Variants in EPHA4 observed in about 807,000 individuals in gnomAD.
EPHA4 encodes ephrin type-A receptor 4.
A neutral mutation model predicts 108.3 loss-of-function variants in EPHA4; 19 were observed. That is an observed-to-expected ratio of 0.18 (90% CI 0.12 to 0.26). The LOEUF is 0.26. Among genes scored for constraint, EPHA4 ranks in the 10% least tolerant of loss-of-function variants. The pLI, the probability that EPHA4 is intolerant of heterozygous loss-of-function variation, is 1.00. For synonymous variants in EPHA4, 449 were observed against 455.5 expected (o/e 0.99, Z 0.18); for missense variants, 917 against 1,254.0 (o/e 0.73, Z 4.06).
chr2:221,507,327 T>C (rs1369806641), intron 3 of EPHA4, among the ~76,000 whole-genome samples: 1 of 152,244 alleles, frequency 6.6e-6, no homozygotes, highest in Non-Finnish European at 1.5e-5. Flanking sequence ...TTTTACTCAG[T>C]ATCATTATAA....
chr2:221,544,482 G>A (rs1574649220), intron 3 of EPHA4, among the ~76,000 whole-genome samples: 1 of 152,040 alleles, frequency 6.6e-6, no homozygotes, highest in African/African-American at 2.4e-5. Context: ...TGCACCACCA[G>A]GCCCTACTAA....
intron 5 of EPHA4, among the ~76,000 whole-genome samples, chr2:221,474,111 C>T (rs980408582): frequency 1.3e-5 from 2 of 152,130 alleles, no homozygotes; most frequent in Non-Finnish European, 2.9e-5. Context: ...ATAATTACCA[C>T]TACGTTCTAT....
In EPHA4 at chr2:221,482,780, A is replaced by G. The variant is rs962338857; in HGVS notation, c.980-90T>C. 1.0e-5 allele frequency: 13 copies of G among 1,242,164 alleles called. No individual in the cohort carries two copies. In the East Asian group the frequency reaches 2.4e-4, roughly 23 times the overall value. The allele number at this position is 1,242,164 out of a possible 1,614,324, so 76.9% of individuals were successfully genotyped here. Reference sequence around the variant, plus strand: ...TTGTATTATTTTCTGCAGCTCTCCAAAGCAAGGCAAACCCACTTGGCAAAG... The same window carrying G: ...TTGTATTATTTTCTGCAGCTCTCCAGAGCAAGGCAAACCCACTTGGCAAAG... On this transcript the variant is annotated intron_variant, in intron 4 of 17. Transcript: ENST00000281821.
intron 14 of EPHA4, among the ~76,000 whole-genome samples, chr2:221,432,567 C>G (rs992831687): frequency 6.6e-6 from 1 of 152,200 alleles, no homozygotes. Flanking sequence ...CACTACCATT[C>G]CCCTTAATCT....
At chr2:221,546,518 T>C (rs73089654) in intron 3 of EPHA4, among the ~76,000 whole-genome samples, 4,222 of 152,120 alleles carry the variant, frequency 0.028, 139 homozygotes, top group East Asian at 0.089. Context: ...TTATTATATA[T>C]TTTATTAATT....
chr2:221,479,772 C>T (rs930235075), intron 5 of EPHA4, among the ~76,000 whole-genome samples: 2 of 152,196 alleles, frequency 1.3e-5, no homozygotes, highest in Non-Finnish European at 2.9e-5. Context: ...CAGTGCTCTG[C>T]ACATATACAA....
rs199905171 is a variant in EPHA4 at position 221,566,839 on chromosome 2, A to G, written c.159+1879T>C. On this transcript the variant is annotated intron_variant, in intron 2 of 17. Coordinates refer to ENST00000281821, the MANE Select transcript of EPHA4 (RefSeq NM_004438.5). ...GAAGGAGAAGAAGGAGAAGGAGAAG[A>G]AGGAGAAGGAGAAGGAGAAGAAGAA... Among the ~76,000 whole-genome samples the G allele has an allele frequency of 1.8e-3, 79 of 43,604 alleles. 1 individual carries two copies. Among genetic ancestry groups the G allele is most frequent in the African/African-American group, 0.013 (70 of 5,212 alleles). 28.6% of individuals were successfully genotyped at this position (43,604 alleles called of 152,430 possible).
chr2:221,454,254 C>A (rs1373449928), intron 8 of EPHA4, among the ~76,000 whole-genome samples: 1 of 151,754 alleles, frequency 6.6e-6, no homozygotes, highest in Non-Finnish European at 1.5e-5. Context: ...TATATGGTCA[C>A]CACTCTAATT....
chr2:221,466,867 C>T lies in EPHA4; in HGVS notation c.1319-8877G>A, dbSNP rs1023996275. ...TTCTCAACCACTGATCTACAGAAAG[C>T]GGCTGATCTCTGCCCCTCCTTTCCA... On this transcript the variant is annotated intron_variant, in intron 5 of 17. Coordinates refer to ENST00000281821, the MANE Select transcript of EPHA4 (RefSeq NM_004438.5). Among the ~76,000 whole-genome samples the T allele has an allele frequency of 5.9e-5, 9 of 151,674 alleles. No homozygotes were observed. The South Asian group carries it at 6.2e-4, about 10-fold the overall frequency.
At chr2:221,527,564 C>A (rs1693376881) in intron 3 of EPHA4, among the ~76,000 whole-genome samples, 1 of 152,128 alleles carries the variant, frequency 6.6e-6, no homozygotes, top group Non-Finnish European at 1.5e-5. Flanking sequence ...GAGGCCCCAG[C>A]CCCAGCAACC....
intron 3 of EPHA4, among the ~76,000 whole-genome samples, chr2:221,535,437 A>G (rs891885024): frequency 2.6e-5 from 4 of 152,212 alleles, no homozygotes; most frequent in African/African-American, 9.6e-5. Flanking sequence ...TACAGCTACT[A>G]AAAGTAACAA....
intron 4 of EPHA4, among the ~76,000 whole-genome samples, chr2:221,491,968 T>C (rs1452454518): frequency 6.6e-6 from 1 of 151,814 alleles, no homozygotes; most frequent in Non-Finnish European, 1.5e-5. Context: ...TGAGCTGAGA[T>C]TGCACCACTG....
At chr2:221,543,520 T>C (rs1304585393) in intron 3 of EPHA4, among the ~76,000 whole-genome samples, 1 of 152,180 alleles carries the variant, frequency 6.6e-6, no homozygotes, top group African/African-American at 2.4e-5. Context: ...AATTTGCGAT[T>C]TTTTACTAAA....
chr2:221,535,587 G>A (rs1293839626), intron 3 of EPHA4, among the ~76,000 whole-genome samples: 1 of 151,562 alleles, frequency 6.6e-6, no homozygotes, highest in Non-Finnish European at 1.5e-5. Flanking sequence ...CTTTTTTTCT[G>A]TTTTTTTTCC....
intron 3 of EPHA4, among the ~76,000 whole-genome samples, chr2:221,510,063 C>T (rs910978293): frequency 6.6e-6 from 1 of 152,164 alleles, no homozygotes; most frequent in Non-Finnish European, 1.5e-5. Flanking sequence ...CTCATTATTC[C>T]TATAGCACAG....
chr2:221,466,286 T>C lies in EPHA4; in HGVS notation c.1319-8296A>G, dbSNP rs542829939. 3.3e-5 allele frequency among the ~76,000 whole-genome samples: 5 copies of C among 152,360 alleles called. No homozygotes were observed. In the East Asian group the frequency reaches 9.6e-4, roughly 29 times the overall value. ...AGTTTTCTTTGTAGAAAAGAGTTAA[T>C]TTAGTTTTCACTGAATTATTAACTG... On this transcript the variant is annotated intron_variant, in intron 5 of 17. Transcript: ENST00000281821.
At chr2:221,523,149 C>T (rs1574632677) in intron 3 of EPHA4, among the ~76,000 whole-genome samples, 1 of 152,076 alleles carries the variant, frequency 6.6e-6, no homozygotes, top group Non-Finnish European at 1.5e-5. Context: ...CAAAAGAGAA[C>T]ACTGGCGATC....
intron 11 of EPHA4, among the ~76,000 whole-genome samples, chr2:221,439,767 A>T (rs1425215593): frequency 6.6e-6 from 1 of 152,200 alleles, no homozygotes; most frequent in South Asian, 2.1e-4. Context: ...ATGGCTGTGC[A>T]TTAACACCTC....
chr2:221,540,792 C>T (rs760512922), intron 3 of EPHA4, among the ~76,000 whole-genome samples: 3 of 152,000 alleles, frequency 2.0e-5, no homozygotes, highest in South Asian at 2.1e-4. Flanking sequence ...TTATCTTTGA[C>T]GGGAGAGCTG....
Sources: gnomAD v4.1 joint callset for allele counts (sites outside exome capture counted in the v4.1 genomes callset) on GRCh38, gnomAD v4.1.1 for gene constraint, MANE v1.5 for transcripts, NCBI Gene and HGNC (gene_info 2026-07-23, HGNC 2026-07-21) for gene names.